ST7: variants seen among roughly 807,000 people sequenced by gnomAD.
The protein encoded by ST7 is suppressor of tumorigenicity 7 protein.
ST7 carries 28 observed loss-of-function variants against 78.7 expected under a neutral mutation model. That is an observed-to-expected ratio of 0.36 (90% CI 0.26 to 0.49). The LOEUF is 0.49. Ranked by LOEUF, ST7 falls within the 20% of genes least tolerant of loss-of-function variation. The probability of loss-of-function intolerance (pLI) is 0.99; values close to 1 mark genes in which losing one functional copy is unlikely to be tolerated. For synonymous variants in ST7, 247 were observed against 249.6 expected, an observed-to-expected ratio of 0.99 and a Z score of 0.10; for missense variants, 418 against 696.0, an observed-to-expected ratio of 0.60 and a Z score of 4.49.
intron 8 of ST7, among the ~76,000 whole-genome samples, chr7:117,137,622 G>A (rs1804899308): frequency 6.6e-6 from 1 of 152,062 alleles, no homozygotes; most frequent in Non-Finnish European, 1.5e-5. Flanking sequence ...GTCTTGAAAT[G>A]TTAGGACTTT....
intron 1 of ST7, among the ~76,000 whole-genome samples, chr7:116,996,994 T>C (rs1354003685): frequency 2.6e-5 from 4 of 152,216 alleles, no homozygotes; most frequent in Admixed American, 2.6e-4. Flanking sequence ...GGGTTCTTGG[T>C]CTCGCTGACT....
intron 1 of ST7, among the ~76,000 whole-genome samples, chr7:117,023,777 T>TTATATATA (rs10668527): frequency 6.8e-6 from 1 of 147,968 alleles, no homozygotes; most frequent in African/African-American, 2.5e-5. Flanking sequence ...CTTAATTTGA[T>TTATATATA]TATATATATA....
At position 117,204,818 on chromosome 7, in the gene ST7, T is replaced by A. The variant is rs559856872; in HGVS notation, c.1255-4969T>A. ...TTTTGTTTGTATGTTTGTGTGTGTG[T>A]GTGGTTGTGTCTGTTTTTGATGCAA... On this transcript the variant is annotated intron_variant, in intron 12 of 15. Coordinates refer to ENST00000323984, the MANE Select transcript of ST7 (RefSeq NM_001369598.1). Among the ~76,000 whole-genome samples the A allele has an allele frequency of 3.9e-5, 6 of 152,352 alleles. No homozygotes were observed. The East Asian group carries it at 1.2e-3, about 29-fold the overall frequency.
chr7:117,181,673 C>T (rs1032360354), intron 10 of ST7, among the ~76,000 whole-genome samples: 1 of 151,842 alleles, frequency 6.6e-6, no homozygotes, highest in African/African-American at 2.4e-5. Context: ...CAAGTCAATC[C>T]CAAGCAAATC....
chr7:117,209,546 G>A (rs911945446), intron 12 of ST7, among the ~76,000 whole-genome samples: 1 of 152,156 alleles, frequency 6.6e-6, no homozygotes, highest in African/African-American at 2.4e-5. Flanking sequence ...TTTGATTAGA[G>A]TGTCTTAGCC....
At chr7:117,023,273 C>T (rs1285911743) in intron 1 of ST7, among the ~76,000 whole-genome samples, 1 of 151,996 alleles carries the variant, frequency 6.6e-6, no homozygotes, top group African/African-American at 2.4e-5. Context: ...ACAAAAAAAG[C>T]CTTTAAAATA....
At chr7:117,144,249 G>A (rs913383002) in intron 9 of ST7, 1 of 152,080 alleles carries the variant, frequency 6.6e-6, no homozygotes, top group Non-Finnish European at 1.5e-5. Flanking sequence ...CCCAACAGGT[G>A]ACCTCTTGGA....
intron 1 of ST7, among the ~76,000 whole-genome samples, chr7:117,062,572 C>T (rs1798415138): frequency 6.6e-6 from 1 of 152,144 alleles, no homozygotes; most frequent in Non-Finnish European, 1.5e-5. Context: ...CAGTGCCATT[C>T]ATGTGTTTAT....
intron 1 of ST7, among the ~76,000 whole-genome samples, chr7:117,052,402 T>C (rs1797832712): frequency 6.6e-6 from 1 of 152,236 alleles, no homozygotes; most frequent in Non-Finnish European, 1.5e-5. Flanking sequence ...TTTAGAGTTA[T>C]ATCTTTGCAA....
intron 9 of ST7, among the ~76,000 whole-genome samples, chr7:117,144,980 G>A (rs113065477): frequency 9.2e-5 from 14 of 152,222 alleles, no homozygotes; most frequent in African/African-American, 3.1e-4. Context: ...GGGGCAGATT[G>A]CTTGAGCCCA....
intron 2 of ST7, among the ~76,000 whole-genome samples, chr7:117,100,555 A>G (rs1057285896): frequency 6.6e-6 from 1 of 152,122 alleles, no homozygotes; most frequent in Non-Finnish European, 1.5e-5. Flanking sequence ...GTTTTTTTTT[A>G]AATGTATTGA....
intron 12 of ST7, among the ~76,000 whole-genome samples, chr7:117,202,628 A>G (rs1467424729): frequency 6.6e-6 from 1 of 152,178 alleles, no homozygotes; most frequent in Non-Finnish European, 1.5e-5. Flanking sequence ...GGACTCTAAC[A>G]GGAGCTTTTT....
intron 13 of ST7, among the ~76,000 whole-genome samples, chr7:117,218,857 C>T (rs1469516603): frequency 1.3e-5 from 2 of 152,206 alleles, no homozygotes; most frequent in Non-Finnish European, 2.9e-5. Context: ...TCTGTCCCCA[C>T]CCAGTTTTGT....
chr7:116,979,770 A>G (rs933571286), intron 1 of ST7, among the ~76,000 whole-genome samples: 1 of 152,070 alleles, frequency 6.6e-6, no homozygotes, highest in African/African-American at 2.4e-5. Context: ...TCTATTGCCT[A>G]GCAAATGAAA....
rs374535173 is a variant in ST7, at chr7:117,049,944, C to A, written c.152-49818C>A. The stretch of plus-strand genomic sequence containing the variant: ...GACCTGGCCGGGCCTGGTGGCTCAA[C>A]GCCTGTAATCCCTGCACTTTGGGAG... On this transcript the variant is annotated intron_variant, in intron 1 of 15. Coordinates refer to ENST00000323984, the MANE Select transcript of ST7 (RefSeq NM_001369598.1). Among the ~76,000 whole-genome samples the A allele has an allele frequency of 1.4e-4, 21 of 151,674 alleles. No individual in the cohort carries two copies. The East Asian group carries it at 4.1e-3, about 30-fold the overall frequency.
intron 1 of ST7, among the ~76,000 whole-genome samples, chr7:117,056,278 T>C (rs534738147): frequency 6.6e-6 from 1 of 151,720 alleles, no homozygotes; most frequent in South Asian, 2.1e-4. Flanking sequence ...GATAAAAGGG[T>C]TTTTGTGCAG....
intron 9 of ST7, among the ~76,000 whole-genome samples, chr7:117,152,082 G>A (rs1453624787): frequency 6.8e-6 from 1 of 148,108 alleles, no homozygotes; most frequent in Non-Finnish European, 1.5e-5. Context: ...TCATGCCATT[G>A]CACTCCAGCC....
chr7:117,208,911 GTGTGTGT>G (rs1792040598), intron 12 of ST7, among the ~76,000 whole-genome samples: 4 of 35,630 alleles, frequency 1.1e-4, no homozygotes, highest in Admixed American at 5.9e-4. Flanking sequence ...GGGTGTGTGT[GTGTGTGT>G]GTGTGTGTGT....
intron 3 of ST7, 80 bp downstream of exon 3, chr7:117,119,800 G>C: frequency 6.7e-7 from 1 of 1,492,756 alleles, no homozygotes; most frequent in Non-Finnish European, 9.1e-7. Context: ...AAGAGATTAA[G>C]AATGTTGTTA....
Sources: allele counts gnomAD v4.1 joint callset (sites outside exome capture counted in the v4.1 genomes callset), GRCh38; gene constraint gnomAD v4.1.1; transcripts MANE v1.5; gene names NCBI Gene and HGNC (gene_info 2026-07-23, HGNC 2026-07-21).